Variants in PPM1L observed in about 807,000 individuals in gnomAD.
PPM1L encodes protein phosphatase 1L.
Under a neutral mutation model 31.4 loss-of-function variants are expected in PPM1L, and 13 were observed. The observed-to-expected ratio is 0.41, with a 90% CI of 0.27 to 0.66. PPM1L has a LOEUF of 0.66. Among genes scored for constraint, PPM1L ranks in the 30% least tolerant of loss-of-function variants. The pLI is 0.29. For missense variants in PPM1L, 326 were observed against 453.7 expected (o/e 0.72, Z 2.56); for synonymous variants, 184 against 175.4 (o/e 1.05, Z -0.39).
chr3:160,886,472 T>C (rs949964660), intron 1 of PPM1L, among the ~76,000 whole-genome samples: 4 of 152,182 alleles, frequency 2.6e-5, no homozygotes, highest in African/African-American at 9.7e-5. Flanking sequence ...TGGTGCCCCT[T>C]GAGGTCAGAG....
intron 2 of PPM1L, among the ~76,000 whole-genome samples, chr3:161,034,800 A>G (rs1718694040): frequency 6.6e-6 from 1 of 150,846 alleles, no homozygotes; most frequent in Non-Finnish European, 1.5e-5. Flanking sequence ...GTGTATACCT[A>G]TGTAACAAAC....
Position 160,756,301 on chromosome 3 carries a change from G to T in PPM1L, c.-8G>T. ...CGCTGGTGGTGGTTGAGGCTCTAGC[G>T]ATAATAAATGATAGAGGATACAATG... On this transcript the variant is annotated 5_prime_UTR_variant, in exon 1 of 4. Transcript: ENST00000498165. The surrounding 1 kb of genome is among the most constrained non-coding windows in gnomAD (Gnocchi z 6.2). 6.2e-7 allele frequency: 1 copy of T among 1,600,640 alleles called. No individual in the cohort carries two copies. The highest frequency in any genetic ancestry group is 1.1e-5 in the South Asian group (1 of 89,948).
chr3:160,927,003 G>A (rs1229674434), intron 1 of PPM1L, among the ~76,000 whole-genome samples: 1 of 152,198 alleles, frequency 6.6e-6, no homozygotes, highest in African/African-American at 2.4e-5. Flanking sequence ...CCATTTTGCA[G>A]ATGAATCAAG....
Position 160,874,188 on chromosome 3 carries a change from TACTC to T in PPM1L, c.400-87545_400-87542del, listed in dbSNP as rs141381532. On this transcript the variant is annotated intron_variant, in intron 1 of 3. Transcript: ENST00000498165. ...TGAATTAGGTTCAGCCAATCACTAT[TACTC>T]ACCCAGAACTTTGAATCTTGAGTGC... Among the ~76,000 whole-genome samples, 1,523 of 152,352 alleles carry T rather than the reference TACTC, an allele frequency of 1.0e-2. 25 individuals carry two copies. The highest frequency in any genetic ancestry group is 0.035 in the African/African-American group (1,466 of 41,574).
Position 161,073,252 on chromosome 3 carries a change from T to C in PPM1L, c.*4095T>C, listed in dbSNP as rs554792023. On this transcript the variant is annotated 3_prime_UTR_variant, in exon 4 of 4. Coordinates refer to ENST00000498165, the MANE Select transcript of PPM1L (RefSeq NM_139245.4). ...AGAGAAAAACACAACAAATATCTACTGTCAGTTAGCCCAGTGTTTTCCAGA... is the reference window on the plus strand; with the variant it reads ...AGAGAAAAACACAACAAATATCTACCGTCAGTTAGCCCAGTGTTTTCCAGA... 9.2e-5 allele frequency: 14 copies of C among 152,244 alleles called. No individual in the cohort carries two copies. The highest frequency in any genetic ancestry group is 3.1e-4 in the African/African-American group (13 of 41,468). The allele number at this position is 152,244 out of a possible 1,614,324, so 9.4% of individuals were successfully genotyped here.
At chr3:160,843,220 A>C (rs1713946429) in intron 1 of PPM1L, among the ~76,000 whole-genome samples, 1 of 151,580 alleles carries the variant, frequency 6.6e-6, no homozygotes, top group Non-Finnish European at 1.5e-5. Context: ...ATCTAAAATT[A>C]AGTTCTAAAC....
At chr3:160,854,655 G>C (rs112978586) in intron 1 of PPM1L, among the ~76,000 whole-genome samples, 2,904 of 151,852 alleles carry the variant, frequency 0.019, 98 homozygotes, top group African/African-American at 0.067. Context: ...CGGCAGATCA[G>C]GGAGGTAAAA....
intron 1 of PPM1L, among the ~76,000 whole-genome samples, chr3:160,851,734 G>T (rs930524388): frequency 1.3e-5 from 2 of 152,050 alleles, no homozygotes; most frequent in African/African-American, 4.8e-5. Context: ...GGAAAGATCC[G>T]ATACTTGGGG....
chr3:160,913,506 T>G (rs1714043442), intron 1 of PPM1L, among the ~76,000 whole-genome samples: 4 of 152,190 alleles, frequency 2.6e-5, no homozygotes, highest in African/African-American at 9.6e-5. Context: ...ACTATCAAGA[T>G]CTAGACTTCA....
chr3:160,943,312 GA>G (rs1393916644), intron 1 of PPM1L, among the ~76,000 whole-genome samples: 2 of 152,108 alleles, frequency 1.3e-5, no homozygotes, highest in South Asian at 2.1e-4. Context: ...AAAACTTTGA[GA>G]AGTATGTTTT....
Position 160,968,988 on chromosome 3 carries a change from C to A in PPM1L, c.574+7078C>A, listed in dbSNP as rs1716239886. On this transcript the variant is annotated intron_variant, in intron 2 of 3. Transcript: ENST00000498165. ...TTCTGCAATGTGGAAAATGCACTTA[C>A]GCGTAGAAAGTGAACCAGATGGTGC... is the stretch of plus-strand genomic sequence containing the variant. Among the ~76,000 whole-genome samples, 4 of 152,180 alleles carry A rather than the reference C, an allele frequency of 2.6e-5. No individual in the cohort carries two copies. The South Asian group carries it at 8.3e-4, about 31-fold the overall frequency.
At chr3:161,002,010 C>T (rs946631857) in intron 2 of PPM1L, among the ~76,000 whole-genome samples, 13 of 149,836 alleles carry the variant, frequency 8.7e-5, no homozygotes, top group Admixed American at 4.0e-4. Context: ...ACAACAGTCC[C>T]CAGAGTGTGA....
At chr3:160,830,237 T>C (rs1713484008) in intron 1 of PPM1L, among the ~76,000 whole-genome samples, 1 of 152,214 alleles carries the variant, frequency 6.6e-6, no homozygotes, top group Non-Finnish European at 1.5e-5. Flanking sequence ...GAACCAACTG[T>C]GGACCCTGTG....
intron 1 of PPM1L, among the ~76,000 whole-genome samples, chr3:160,910,669 T>C (rs375937329): frequency 9.5e-4 from 145 of 152,304 alleles, no homozygotes; most frequent in African/African-American, 3.3e-3. Context: ...TCTTTTCCAT[T>C]TTAAACCCAG....
intron 1 of PPM1L, among the ~76,000 whole-genome samples, chr3:160,912,537 T>C (rs6789195): frequency 0.87 from 132,501 of 152,162 alleles, 57,930 homozygotes; most frequent in Middle Eastern, 0.92. Flanking sequence ...GATAAAGATA[T>C]TAAGAGGTCT....
At chr3:161,039,296 A>G (rs113127195) in intron 2 of PPM1L, among the ~76,000 whole-genome samples, 3,985 of 152,244 alleles carry the variant, frequency 0.026, 89 homozygotes, top group South Asian at 0.043. Context: ...CTTTTCCTGT[A>G]ACAATTTTGC....
rs545144406 is a variant in PPM1L at position 160,894,028 on chromosome 3, G to C, written c.400-67708G>C. Among the ~76,000 whole-genome samples the C allele has an allele frequency of 2.0e-5, 3 of 152,230 alleles. No individual in the cohort carries two copies. In the East Asian group the frequency reaches 5.8e-4, roughly 29 times the overall value. ...AGTGTTCTGAGCACATTTAAGGTAGGCTAGGCTAGACTATGTTGTTCAGTA... is the reference window on the plus strand; with the variant it reads ...AGTGTTCTGAGCACATTTAAGGTAGCCTAGGCTAGACTATGTTGTTCAGTA... On this transcript the variant is annotated intron_variant, in intron 1 of 3. Transcript: ENST00000498165.
intron 2 of PPM1L, among the ~76,000 whole-genome samples, chr3:160,990,722 G>A (rs540617137): frequency 1.3e-5 from 2 of 152,244 alleles, no homozygotes; most frequent in East Asian, 1.9e-4. Flanking sequence ...ATACTAAAGC[G>A]ATTCCCAAAA....
intron 1 of PPM1L, among the ~76,000 whole-genome samples, chr3:160,829,966 CGT>C (rs1560118933): frequency 1.3e-5 from 2 of 152,126 alleles, no homozygotes; most frequent in Non-Finnish European, 2.9e-5. Flanking sequence ...CTGGCAGCTG[CGT>C]CTCAGCCATG....
Sources: allele counts gnomAD v4.1 joint callset (sites outside exome capture counted in the v4.1 genomes callset), GRCh38; gene constraint gnomAD v4.1.1; non-coding constraint Gnocchi (gnomAD v3.1); transcripts MANE v1.5; gene names NCBI Gene and HGNC (gene_info 2026-07-23, HGNC 2026-07-21).